CFAP52: variants seen among roughly 807,000 people sequenced by gnomAD.
CFAP52 encodes the protein cilia- and flagella-associated protein 52.
CFAP52 carries 57 observed loss-of-function variants against 70.5 expected under a neutral mutation model. The ratio of observed to expected loss-of-function variants is 0.81; its 90% confidence interval spans 0.65 to 1.01. The LOEUF (loss-of-function observed/expected upper bound fraction) is 1.01. Ranked by LOEUF, CFAP52 falls within the 50% of genes least tolerant of loss-of-function variation. The probability of loss-of-function intolerance (pLI) is 0.00; values close to 1 mark genes in which losing one functional copy is unlikely to be tolerated. For synonymous variants in CFAP52, 267 were observed against 292.5 expected, an observed-to-expected ratio of 0.91 and a Z score of 0.89; for missense variants, 785 against 788.5, an observed-to-expected ratio of 1.00 and a Z score of 0.05.
At chr17:9,641,636 A>C (rs1597799782) in intron 12 of CFAP52, 88 bp from the exon 13 acceptor site, 1 of 934,600 alleles carries the variant, frequency 1.1e-6, no homozygotes, top group African/African-American at 1.6e-5. Context: ...GCTCCCTTCT[A>C]TATAAAGTAG....
chr17:9,600,840 AT>A (rs1909237173), intron 6 of CFAP52, among the ~76,000 whole-genome samples: 1 of 152,168 alleles, frequency 6.6e-6, no homozygotes, highest in Non-Finnish European at 1.5e-5. Flanking sequence ...CCAAAGCCAC[AT>A]CTCAATTTGC....
At chr17:9,610,204 A>G (rs1397735002) in intron 7 of CFAP52, 2 of 152,132 alleles carry the variant, frequency 1.3e-5, no homozygotes, top group East Asian at 3.9e-4. Context: ...AAAATCAAGT[A>G]AAAAACAAAC....
At chr17:9,607,040 G>A (rs184843443) in intron 6 of CFAP52, among the ~76,000 whole-genome samples, 66 of 152,270 alleles carry the variant, frequency 4.3e-4, no homozygotes, top group African/African-American at 1.4e-3. Context: ...TAGCTATACT[G>A]AATGTTTTAA....
intron 3 of CFAP52, among the ~76,000 whole-genome samples, chr17:9,588,206 TG>T (rs1908583403): frequency 1.3e-5 from 2 of 151,644 alleles, no homozygotes; most frequent in Admixed American, 6.6e-5. Context: ...TGCCATAGCA[TG>T]GGAAAGGCCA....
chr17:9,631,028 A>AAGAAAGAGAGAGAGAGAGAGAGAG (rs1555544250), intron 9 of CFAP52, among the ~76,000 whole-genome samples: 1 of 44,734 alleles, frequency 2.2e-5, no homozygotes, highest in African/African-American at 1.2e-4. Flanking sequence ...GAAAGAAAGA[A>AAGAAAGAGAGAGAGAGAGAGAGAG]AGAGAGAGAG....
chr17:9,608,922 A>T (rs1323479252), intron 7 of CFAP52, among the ~76,000 whole-genome samples: 1 of 152,188 alleles, frequency 6.6e-6, no homozygotes, highest in East Asian at 1.9e-4. Flanking sequence ...ACCAGACAAG[A>T]TAGGATATTA....
At chr17:9,633,874 G>T (rs1910660767) in intron 10 of CFAP52, among the ~76,000 whole-genome samples, 1 of 151,634 alleles carries the variant, frequency 6.6e-6, no homozygotes, top group Non-Finnish European at 1.5e-5. Flanking sequence ...GTAGAGACGG[G>T]GTTTCACCGT....
At chr17:9,612,256 T>A (rs1909741392) in intron 7 of CFAP52, 53 bp from the exon 8 acceptor site, 2 of 1,592,094 alleles carry the variant, frequency 1.3e-6, no homozygotes, top group Non-Finnish European at 1.7e-6. Context: ...ACATGATTCG[T>A]AACTACTTAC....
chr17:9,600,445 G>T (rs1909217934), intron 6 of CFAP52, among the ~76,000 whole-genome samples: 1 of 152,026 alleles, frequency 6.6e-6, no homozygotes, highest in African/African-American at 2.4e-5. Context: ...GTTTCATCAT[G>T]TTGGCTAGGC....
rs201487824 is a variant in CFAP52 at position 9,627,112 on chromosome 17, C to CTT, written c.1026-1546_1026-1545dup. On this transcript the variant is annotated intron_variant, in intron 8 of 13. Coordinates refer to ENST00000352665, the MANE Select transcript of CFAP52 (RefSeq NM_145054.5). The stretch of plus-strand genomic sequence containing the variant: ...AATTTACATTGTATTTAGAGGTTGC[C>CTT]TTTTTTTTTTTTTTTGAGCTTGACA... Among the ~76,000 whole-genome samples, 196 of 137,734 alleles carry CTT rather than the reference C, an allele frequency of 1.4e-3. 1 individual carries two copies. Among genetic ancestry groups the CTT allele is most frequent in the African/African-American group, 4.5e-3 (169 of 37,750 alleles). The allele number at this position is 137,734 out of a possible 152,430, so 90.4% of individuals were successfully genotyped here. A position where few individuals can be genotyped will look rare whatever the true frequency, so the allele number is the denominator to read the frequency against.
intron 13 of CFAP52, among the ~76,000 whole-genome samples, chr17:9,642,615 G>A (rs1040845145): frequency 2.0e-5 from 3 of 152,076 alleles, no homozygotes; most frequent in South Asian, 2.1e-4. Flanking sequence ...CAGACAGTCC[G>A]TCTCAATAAA....
Position 9,643,200 on chromosome 17 carries a change from G to A in CFAP52, c.*2G>A, listed in dbSNP as rs976378893. The A allele has an allele frequency of 2.5e-6, 4 of 1,602,258 alleles. No individual in the cohort carries two copies. The highest frequency in any genetic ancestry group is 8.5e-7 in the Non-Finnish European group (1 of 1,173,488). On this transcript the variant is annotated 3_prime_UTR_variant, in exon 14 of 14. Coordinates refer to ENST00000352665, the MANE Select transcript of CFAP52 (RefSeq NM_145054.5). ...TGGAAGTACCCATATACCTCCTGAA[G>A]CTGATGAGATGTCTCTGAGCCTTGG...
intron 9 of CFAP52, among the ~76,000 whole-genome samples, chr17:9,631,050 GAGAGAA>G (rs1176831354): frequency 2.0e-5 from 2 of 99,056 alleles, no homozygotes; most frequent in Middle Eastern, 5.4e-3. Context: ...GAGAGAGAGA[GAGAGAA>G]AGAAAGAAAG....
intron 1 of CFAP52, among the ~76,000 whole-genome samples, chr17:9,582,871 G>T (rs148827882): frequency 6.6e-6 from 1 of 152,152 alleles, no homozygotes; most frequent in Non-Finnish European, 1.5e-5. Flanking sequence ...TCCCAGCCTC[G>T]AGTGATCTGC....
chr17:9,613,941 G>A (rs1048628562), intron 8 of CFAP52, among the ~76,000 whole-genome samples: 1 of 151,738 alleles, frequency 6.6e-6, no homozygotes, highest in African/African-American at 2.4e-5. Context: ...GTGAATCTTT[G>A]TTTGCAAGTT....
At chr17:9,588,549 G>A (rs1482195350) in intron 3 of CFAP52, among the ~76,000 whole-genome samples, 1 of 152,094 alleles carries the variant, frequency 6.6e-6, no homozygotes, top group Non-Finnish European at 1.5e-5. Flanking sequence ...GCCCCCGAGT[G>A]TTCTTTCTGC....
intron 10 of CFAP52, among the ~76,000 whole-genome samples, chr17:9,633,675 C>CTTTTTTT (rs555923244): frequency 0.011 from 1,495 of 138,462 alleles, 29 homozygotes; most frequent in African/African-American, 0.037. Flanking sequence ...GTCATCTTAT[C>CTTTTTTT]TTTTTTTTTT....
intron 6 of CFAP52, among the ~76,000 whole-genome samples, chr17:9,605,438 G>A (rs969470300): frequency 1.1e-4 from 16 of 152,162 alleles, no homozygotes; most frequent in African/African-American, 2.9e-4. Flanking sequence ...CAGGCTGGGC[G>A]CGGTGGCTGA....
chr17:9,605,197 G>T (rs935601227), intron 6 of CFAP52, among the ~76,000 whole-genome samples: 2 of 152,168 alleles, frequency 1.3e-5, no homozygotes, highest in Non-Finnish European at 1.5e-5. Flanking sequence ...CAACCAAGAT[G>T]TCCTTCAGTA....
Sources: gnomAD v4.1 joint callset for allele counts (sites outside exome capture counted in the v4.1 genomes callset) on GRCh38, gnomAD v4.1.1 for gene constraint, MANE v1.5 for transcripts, NCBI Gene and HGNC (gene_info 2026-07-23, HGNC 2026-07-21) for gene names.